PTPRT: variants seen among roughly 807,000 people sequenced by gnomAD.
PTPRT encodes receptor-type tyrosine-protein phosphatase T.
Under a neutral mutation model 176.8 loss-of-function variants are expected in PTPRT, and 56 were observed. The observed-to-expected ratio is 0.32, with a 90% CI of 0.26 to 0.40. The LOEUF (loss-of-function observed/expected upper bound fraction) is 0.40, where lower values mean the gene tolerates loss of function less well. PTPRT is among the 10% of genes least tolerant of loss of function. The pLI is 1.00. For missense variants in PTPRT, 1,540 were observed against 1,908.2 expected (o/e 0.81, Z 3.60); for synonymous variants, 783 against 739.0 (o/e 1.06, Z -0.96).
chr20:43,095,391 G>A (rs2012089377), intron 1 of PTPRT, among the ~76,000 whole-genome samples: 1 of 152,098 alleles, frequency 6.6e-6, no homozygotes. Context: ...ACTCGTCAGA[G>A]TTAGTGGCCA....
intron 6 of PTPRT, among the ~76,000 whole-genome samples, chr20:42,743,867 T>C (rs550016667): frequency 1.0e-4 from 16 of 152,388 alleles, no homozygotes; most frequent in South Asian, 4.1e-4. Context: ...GTTTTTTCAA[T>C]GTTTGAATGT....
chr20:43,115,158 C>G (rs764855032), intron 1 of PTPRT, among the ~76,000 whole-genome samples: 2 of 152,288 alleles, frequency 1.3e-5, no homozygotes, highest in Non-Finnish European at 2.9e-5. Context: ...GTAGCCAGTA[C>G]TCTGAGAAGG....
At chr20:43,147,873 G>A (rs2014218372) in intron 1 of PTPRT, among the ~76,000 whole-genome samples, 1 of 151,890 alleles carries the variant, frequency 6.6e-6, no homozygotes. Context: ...CCAAGCCAAA[G>A]CAGGATCACA....
chr20:42,251,510 A>G (rs2056550697), intron 13 of PTPRT, among the ~76,000 whole-genome samples: 1 of 152,092 alleles, frequency 6.6e-6, no homozygotes, highest in Admixed American at 6.5e-5. Context: ...GAACCCTGTT[A>G]AGGTTTGAAC....
intron 2 of PTPRT, among the ~76,000 whole-genome samples, chr20:42,816,432 T>C (rs1569172396): frequency 6.6e-6 from 1 of 152,192 alleles, no homozygotes; most frequent in Non-Finnish European, 1.5e-5. Context: ...ACTTTTAGAA[T>C]CATTAAACTG....
At chr20:42,119,992 A>G in intron 19 of PTPRT, 21 bp from the exon 20 acceptor site, 1 of 1,602,690 alleles carries the variant, frequency 6.2e-7, no homozygotes, top group East Asian at 2.3e-5. Context: ...GGAGAAAAGC[A>G]CTGTGAAGAG....
chr20:43,003,315 T>A (rs1053663204), intron 1 of PTPRT, among the ~76,000 whole-genome samples: 1 of 152,196 alleles, frequency 6.6e-6, no homozygotes, highest in Admixed American at 6.5e-5. Flanking sequence ...GGCTCTCAAG[T>A]AGCTGAGAAT....
At chr20:42,908,377 G>A (rs2079505424) in intron 1 of PTPRT, among the ~76,000 whole-genome samples, 1 of 152,090 alleles carries the variant, frequency 6.6e-6, no homozygotes, top group African/African-American at 2.4e-5. Flanking sequence ...GAGACTATCT[G>A]ACATGAGAAA....
chr20:43,082,755 C>A (rs1392466179), intron 1 of PTPRT, among the ~76,000 whole-genome samples: 1 of 151,852 alleles, frequency 6.6e-6, no homozygotes, highest in East Asian at 1.9e-4. Context: ...AGAAATTGAC[C>A]CCCCCAAGTC....
chr20:42,480,428 A>T (rs1205240926), intron 7 of PTPRT, among the ~76,000 whole-genome samples: 1 of 152,140 alleles, frequency 6.6e-6, no homozygotes, highest in Non-Finnish European at 1.5e-5. Context: ...TACTGGCCTC[A>T]TTCTTTTAAC....
At chr20:42,970,582 AGTC>A (rs1249239355) in intron 1 of PTPRT, among the ~76,000 whole-genome samples, 1 of 152,188 alleles carries the variant, frequency 6.6e-6, no homozygotes, top group Non-Finnish European at 1.5e-5. Flanking sequence ...CCCCCTCACC[AGTC>A]GTCATGAGGA....
intron 3 of PTPRT, among the ~76,000 whole-genome samples, chr20:42,780,780 A>C (rs1018939610): frequency 1.3e-5 from 2 of 152,230 alleles, no homozygotes; most frequent in African/African-American, 4.8e-5. Context: ...ATTTGAATCT[A>C]TAATAACACT....
chr20:42,039,150 T>C, the PTPRT span, among the ~76,000 whole-genome samples: 1 of 152,294 alleles, frequency 6.6e-6, no homozygotes, highest in East Asian at 1.9e-4. Flanking sequence ...TGGATCCAGT[T>C]ACATGCAAAG....
At chr20:43,138,306 G>A (rs553458071) in intron 1 of PTPRT, among the ~76,000 whole-genome samples, 6 of 152,354 alleles carry the variant, frequency 3.9e-5, no homozygotes, top group Admixed American at 6.5e-5. Context: ...CCAGAGCCAG[G>A]AGGCCCAGGC....
At chr20:43,165,387 T>C (rs953438068) in intron 1 of PTPRT, among the ~76,000 whole-genome samples, 1 of 152,154 alleles carries the variant, frequency 6.6e-6, no homozygotes, top group Non-Finnish European at 1.5e-5. Context: ...GGTCTTGAAC[T>C]CCTGACCTCA....
At chr20:42,178,075 T>C (rs951285701) in intron 16 of PTPRT, among the ~76,000 whole-genome samples, 2 of 152,052 alleles carry the variant, frequency 1.3e-5, no homozygotes, top group Admixed American at 1.3e-4. Flanking sequence ...GTAGCTGGGA[T>C]AACAGGCACC....
At position 42,334,507 on chromosome 20, in the gene PTPRT, G is replaced by A. The variant is rs553617171; in HGVS notation, c.1865+16121C>T. 6.6e-5 allele frequency among the ~76,000 whole-genome samples: 10 copies of A among 152,316 alleles called. No individual in the cohort carries two copies. In the South Asian group the frequency reaches 2.1e-3, roughly 32 times the overall value. Reference sequence around the variant, plus strand: ...GACATGCAAATCAAAATGACAATATGTTCCCATTTAAATGCATTAAATTAG... The same window carrying A: ...GACATGCAAATCAAAATGACAATATATTCCCATTTAAATGCATTAAATTAG... On this transcript the variant is annotated intron_variant, in intron 11 of 30. Coordinates refer to ENST00000373187, the MANE Select transcript of PTPRT (RefSeq NM_007050.6).
chr20:42,045,557 G>A, the PTPRT span, among the ~76,000 whole-genome samples: 2 of 151,870 alleles, frequency 1.3e-5, no homozygotes, highest in Non-Finnish European at 2.9e-5. Context: ...CTGGTGTCCT[G>A]AGGTCACTCC....
intron 7 of PTPRT, among the ~76,000 whole-genome samples, chr20:42,576,877 G>A (rs2073271006): frequency 6.6e-6 from 1 of 152,110 alleles, no homozygotes; most frequent in South Asian, 2.1e-4. Context: ...CCCTCAACTA[G>A]CTGCTTCATC....
Sources: allele counts gnomAD v4.1 joint callset (sites outside exome capture counted in the v4.1 genomes callset), GRCh38; gene constraint gnomAD v4.1.1; transcripts MANE v1.5; gene names NCBI Gene and HGNC (gene_info 2026-07-23, HGNC 2026-07-21).